Variants in ZNRF3 observed in about 807,000 individuals in gnomAD.
The protein encoded by ZNRF3 is E3 ubiquitin-protein ligase ZNRF3.
Under a neutral mutation model 72.5 loss-of-function variants are expected in ZNRF3, and 23 were observed. The observed-to-expected ratio is 0.32, with a 90% CI of 0.23 to 0.45. The LOEUF (loss-of-function observed/expected upper bound fraction) is 0.45. Ranked by LOEUF, ZNRF3 falls within the 20% of genes least tolerant of loss-of-function variation. The pLI is 1.00. For synonymous variants in ZNRF3, 610 were observed against 545.3 expected (o/e 1.12, Z -1.65); for missense variants, 1,169 against 1,272.1 (o/e 0.92, Z 1.23).
chr22:29,023,581 C>T (rs1369338414), intron 2 of ZNRF3, among the ~76,000 whole-genome samples: 7 of 152,122 alleles, frequency 4.6e-5, no homozygotes, highest in African/African-American at 1.7e-4. Flanking sequence ...AGGCTCAGTT[C>T]CCTACGGTGG....
intron 1 of ZNRF3, among the ~76,000 whole-genome samples, chr22:28,986,081 C>T (rs1002641811): frequency 6.6e-6 from 1 of 152,192 alleles, no homozygotes; most frequent in African/African-American, 2.4e-5. Context: ...TGCACTGGAC[C>T]AACCCAGATA....
intron 2 of ZNRF3, among the ~76,000 whole-genome samples, chr22:29,009,340 A>G (rs2036310128): frequency 6.6e-6 from 1 of 152,154 alleles, no homozygotes; most frequent in African/African-American, 2.4e-5. Flanking sequence ...ACTGGGCGTG[A>G]TGGTTTTAGC....
intron 2 of ZNRF3, among the ~76,000 whole-genome samples, chr22:29,037,068 G>A (rs2036879453): frequency 1.3e-5 from 2 of 152,282 alleles, no homozygotes; most frequent in South Asian, 4.1e-4. Flanking sequence ...CATCTTTTGG[G>A]TTATTTCCTA....
chr22:29,031,767 C>A, intron 2 of ZNRF3: 1 of 272,632 alleles, frequency 3.7e-6, no homozygotes, highest in Non-Finnish European at 5.6e-6. Flanking sequence ...TCCCTAGGAC[C>A]GGCTGGGTGC....
Position 29,048,577 on chromosome 22 carries a change from A to C in ZNRF3, c.1015+86A>C. The C allele has an allele frequency of 1.4e-6, 2 of 1,383,256 alleles. No individual in the cohort carries two copies. The highest frequency in any genetic ancestry group is 2.0e-6 in the Non-Finnish European group (2 of 981,668). 85.7% of individuals were successfully genotyped at this position (1,383,256 alleles called of 1,614,324 possible). A position where few individuals can be genotyped will look rare whatever the true frequency, so the allele number is the denominator to read the frequency against. On this transcript the variant is annotated intron_variant, in intron 7 of 8. Transcript: ENST00000544604. This position sits in a 1 kb window ranked among gnomAD's most constrained non-coding sequence, Gnocchi z 4.9. ...ACACCGCAGGCTTGGGAACACTCAG[A>C]ACCACCGTGGCACTGCCCTCTGGAC...
chr22:29,011,529 G>C (rs1041717160), intron 2 of ZNRF3, among the ~76,000 whole-genome samples: 13 of 152,278 alleles, frequency 8.5e-5, no homozygotes, highest in African/African-American at 2.6e-4. Flanking sequence ...CCTATAATTC[G>C]CAAGTTTAAA....
chr22:28,894,679 G>T (rs1383817956), intron 1 of ZNRF3, among the ~76,000 whole-genome samples: 1 of 152,144 alleles, frequency 6.6e-6, no homozygotes, highest in Non-Finnish European at 1.5e-5. Flanking sequence ...CAGAAAGGCC[G>T]AATGAATCTG....
At chr22:28,993,452 G>A (rs890521677) in intron 2 of ZNRF3, among the ~76,000 whole-genome samples, 1 of 152,192 alleles carries the variant, frequency 6.6e-6, no homozygotes, top group Non-Finnish European at 1.5e-5. Context: ...ACCAAGGTAC[G>A]AGAGGTGGGT....
chr22:29,052,317 G>T (rs933130930), intron 8 of ZNRF3, among the ~76,000 whole-genome samples: 2 of 152,202 alleles, frequency 1.3e-5, no homozygotes, highest in Non-Finnish European at 2.9e-5. Context: ...TATTCCACTT[G>T]GAACCAGAGT....
intron 1 of ZNRF3, among the ~76,000 whole-genome samples, chr22:28,893,677 C>G (rs961152080): frequency 2.0e-5 from 3 of 152,018 alleles, no homozygotes; most frequent in African/African-American, 7.2e-5. Context: ...TTTGTATTTT[C>G]TGTAGAGATG....
At chr22:28,971,598 C>G (rs971492532) in intron 1 of ZNRF3, among the ~76,000 whole-genome samples, 1 of 152,192 alleles carries the variant, frequency 6.6e-6, no homozygotes, top group African/African-American at 2.4e-5. Flanking sequence ...TGCCATCTCA[C>G]TCAGGTGGGG....
chr22:28,891,286 C>T (rs2033880825), intron 1 of ZNRF3, among the ~76,000 whole-genome samples: 1 of 152,188 alleles, frequency 6.6e-6, no homozygotes, highest in Non-Finnish European at 1.5e-5. Flanking sequence ...TTCTGTTACC[C>T]CCGGCTGTAG....
At chr22:28,988,904 A>T (rs1466630155) in intron 2 of ZNRF3, among the ~76,000 whole-genome samples, 1 of 152,166 alleles carries the variant, frequency 6.6e-6, no homozygotes, top group Non-Finnish European at 1.5e-5. Flanking sequence ...TAGTTCTCCC[A>T]TGGTTTAGCG....
At chr22:29,006,213 CTTTT>C (rs372438825) in intron 2 of ZNRF3, among the ~76,000 whole-genome samples, 14 of 106,518 alleles carry the variant, frequency 1.3e-4, no homozygotes, top group African/African-American at 4.1e-4. Flanking sequence ...TCATCCGTTT[CTTTT>C]TTTTTTTTTT....
chr22:28,887,848 A>G (rs1472748270), intron 1 of ZNRF3, among the ~76,000 whole-genome samples: 5 of 152,210 alleles, frequency 3.3e-5, no homozygotes, highest in Admixed American at 1.3e-4. Context: ...TGCAACTCAC[A>G]TGGTTGGTGA....
intron 1 of ZNRF3, among the ~76,000 whole-genome samples, chr22:28,966,528 G>A (rs1005121685): frequency 1.3e-5 from 2 of 152,196 alleles, no homozygotes; most frequent in African/African-American, 4.8e-5. Context: ...AGACCTTCCA[G>A]TGGGACAAGA....
intron 1 of ZNRF3, among the ~76,000 whole-genome samples, chr22:28,937,203 A>T (rs2034845872): frequency 1.0e-4 from 1 of 9,558 alleles, no homozygotes; most frequent in African/African-American, 3.5e-4. Flanking sequence ...ATATATATAT[A>T]TATATATATA....
intron 1 of ZNRF3, among the ~76,000 whole-genome samples, chr22:28,921,763 T>A (rs1202877771): frequency 6.6e-6 from 1 of 152,204 alleles, no homozygotes; most frequent in Non-Finnish European, 1.5e-5. Flanking sequence ...GGGCCTAGGT[T>A]GTATGCTGTG....
At chr22:28,949,471 G>A (rs185378899) in intron 1 of ZNRF3, among the ~76,000 whole-genome samples, 19 of 151,696 alleles carry the variant, frequency 1.3e-4, no homozygotes, top group South Asian at 2.1e-4. Flanking sequence ...TACTGATGGG[G>A]TTTCACCATG....
Sources: gnomAD v4.1 joint callset for allele counts (sites outside exome capture counted in the v4.1 genomes callset) on GRCh38, gnomAD v4.1.1 for gene constraint, Gnocchi (gnomAD v3.1) non-coding constraint, MANE v1.5 for transcripts, NCBI Gene and HGNC (gene_info 2026-07-23, HGNC 2026-07-21) for gene names.